The following SLC9B2 variants were observed in gnomAD, a reference collection of about 807,000 sequenced individuals.
The protein encoded by SLC9B2 is solute carrier family 9 member B2, also known as sodium/hydrogen exchanger 9B2.
A neutral mutation model predicts 52.2 loss-of-function variants in SLC9B2; 39 were observed. The ratio of observed to expected loss-of-function variants is 0.75; its 90% CI spans 0.58 to 0.98. SLC9B2 has a LOEUF of 0.98. Among genes scored for constraint, SLC9B2 ranks in the 50% least tolerant of loss-of-function variants. SLC9B2 has a pLI of 0.00. For missense variants in SLC9B2, 626 were observed against 637.5 expected, an observed-to-expected ratio of 0.98 and a Z score of 0.19; for synonymous variants, 214 against 227.0, an observed-to-expected ratio of 0.94 and a Z score of 0.51.
downstream of SLC9B2, chr4:103,019,546 G>A (rs973503517): frequency 1.2e-5 from 12 of 981,294 alleles, no homozygotes; most frequent in African/African-American, 1.9e-4. Flanking sequence ...CGGCAGACCC[G>A]GGACTAGCGC....
chr4:103,076,987 C>G (rs1747242891), upstream of SLC9B2: 1 of 152,326 alleles, frequency 6.6e-6, no homozygotes, highest in African/African-American at 2.4e-5. Context: ...ACTTGTTCTG[C>G]CCCCCTTTAT....
intron 3 of SLC9B2, among the ~76,000 whole-genome samples, chr4:103,065,077 G>T (rs1745992810): frequency 6.6e-6 from 1 of 151,892 alleles, no homozygotes; most frequent in African/African-American, 2.4e-5. Context: ...AAGGTTGGGT[G>T]GGGGAGGTGA....
intron 1 of SLC9B2, among the ~76,000 whole-genome samples, chr4:103,075,806 T>C (rs926942517): frequency 6.6e-6 from 1 of 152,306 alleles, no homozygotes; most frequent in Middle Eastern, 3.4e-3. Flanking sequence ...AACACGTGAA[T>C]GGACTTGACA....
chr4:103,019,986 TTG>T (rs1741674265), downstream of SLC9B2: 3 of 940,984 alleles, frequency 3.2e-6, no homozygotes, highest in Non-Finnish European at 3.8e-6. Flanking sequence ...AAAACTCAGA[TTG>T]TGTTTCCCCT....
At chr4:103,072,056 G>GTTTTTTTTTGTTTGTTTT (rs1746690083) in intron 1 of SLC9B2, among the ~76,000 whole-genome samples, 2 of 95,306 alleles carry the variant, frequency 2.1e-5, no homozygotes, top group Admixed American at 1.3e-4. Flanking sequence ...TGGCTTTCAT[G>GTTTTTTTTTGTTTGTTTT]TTTTTTTTTT....
chr4:103,035,443 T>C (rs1050434975), intron 9 of SLC9B2, among the ~76,000 whole-genome samples: 2 of 152,216 alleles, frequency 1.3e-5, no homozygotes, highest in African/African-American at 2.4e-5. Flanking sequence ...GCAATGAACA[T>C]ACTCATGAAT....
At chr4:103,051,118 G>A (rs997573076) in intron 4 of SLC9B2, among the ~76,000 whole-genome samples, 9 of 152,140 alleles carry the variant, frequency 5.9e-5, no homozygotes, top group Non-Finnish European at 1.2e-4. Context: ...ATGAAGAAAC[G>A]GCTAGGGGAG....
intron 9 of SLC9B2, among the ~76,000 whole-genome samples, chr4:103,036,934 T>G (rs1472632408): frequency 6.6e-6 from 1 of 152,214 alleles, no homozygotes; most frequent in Non-Finnish European, 1.5e-5. Context: ...CCTCAAATAA[T>G]GTCGTTTCTT....
chr4:103,031,742 C>T lies in SLC9B2; in HGVS notation c.1213G>A (p.Gly405Arg), dbSNP rs1742722319. ...AGAGATGCAATAGATACCTCTGCTC[C>T]AATTAGTCCAAAAAGAAGGGGCTGA... ...IFQPLLFGLI[G>R]AEVSIASLRP... The change falls in exon 10 of 12, where the codon GGA becomes AGA. Residue 405 changes from glycine to arginine, a missense_variant. By Grantham distance (125) the Gly-to-Arg change is moderately radical. Transcript: ENST00000394785. The T allele has an allele frequency of 3.7e-6, 6 of 1,612,788 alleles. No homozygotes were observed. The highest frequency in any genetic ancestry group is 4.2e-6 in the Non-Finnish European group (5 of 1,179,208).
At chr4:103,027,298 A>G (rs1402899319) in intron 11 of SLC9B2, among the ~76,000 whole-genome samples, 1 of 152,138 alleles carries the variant, frequency 6.6e-6, no homozygotes, top group Non-Finnish European at 1.5e-5. Flanking sequence ...AAGATGAAAA[A>G]CATGCAGTGA....
intron 1 of SLC9B2, among the ~76,000 whole-genome samples, chr4:103,072,523 C>G (rs1206498275): frequency 1.3e-5 from 2 of 152,194 alleles, no homozygotes; most frequent in Non-Finnish European, 2.9e-5. Flanking sequence ...AATATGTTTT[C>G]ACATAGAGAG....
Position 103,066,470 on chromosome 4 carries a change from T to G in SLC9B2, c.128A>C (p.Asn43Thr). ...AAGAATACTTCCTTCTGTTGGTTCA[T>G]TTGCATCTATACCTTTGAGCTTCAT... is the stretch of plus-strand genomic sequence containing the variant. ...TVMKLKGIDA[N>T]EPTEGSILLK... The change falls in exon 3 of 12, where the codon AAT becomes ACT. Residue 43 changes from asparagine (N) to threonine (T), a missense_variant. By Grantham distance (65) the Asn-to-Thr change is moderately conservative. Coordinates refer to ENST00000394785, the MANE Select transcript of SLC9B2 (RefSeq NM_178833.7). 6.2e-7 allele frequency: 1 copy of G among 1,614,080 alleles called. No individual in the cohort carries two copies. Among genetic ancestry groups the G allele is most frequent in the Non-Finnish European group, 8.5e-7 (1 of 1,179,926 alleles).
At chr4:103,019,165 G>C (rs975344697), downstream of SLC9B2, among the ~76,000 whole-genome samples, 1 of 152,144 alleles carries the variant, frequency 6.6e-6, no homozygotes, top group Non-Finnish European at 1.5e-5. Flanking sequence ...GTGGGTGGGT[G>C]GGGGAAGAGA....
downstream of SLC9B2, chr4:103,019,707 C>A (rs1231794004): frequency 1.0e-6 from 1 of 985,382 alleles, no homozygotes; most frequent in Non-Finnish European, 1.2e-6. Flanking sequence ...CGCGAAAGCC[C>A]GGATAGACTT....
chr4:103,050,278 T>A lies in SLC9B2; in HGVS notation c.547A>T (p.Ile183Phe). 1 of 1,606,228 alleles carries A rather than the reference T, an allele frequency of 6.2e-7. No homozygotes were observed. Among genetic ancestry groups the A allele is most frequent in the Non-Finnish European group, 8.5e-7 (1 of 1,177,030 alleles). ...CCAAGGCCAGCACGAACCAGAATGATAGACAGGGCTATGCTTCTCAAAGAG... is the reference window on the plus strand; with the variant it reads ...CCAAGGCCAGCACGAACCAGAATGAAAGACAGGGCTATGCTTCTCAAAGAG... ...SSSLRSIALSIILVRAGLGLD... is the reference protein window; with the variant it reads ...SSSLRSIALSFILVRAGLGLD... Residue 183 changes from isoleucine (I) to phenylalanine (F), a missense_variant, in exon 5 of 12, where the codon ATC becomes TTC. By Grantham distance (21) the Ile-to-Phe change is conservative. Coordinates refer to ENST00000394785, the MANE Select transcript of SLC9B2 (RefSeq NM_178833.7).
Position 103,039,027 on chromosome 4 carries a change from T to G in SLC9B2, c.1146+4269A>C, listed in dbSNP as rs551580319. Reference sequence around the variant, plus strand: ...CAATATTGCTACAGCCCTGTAGAATTTACAAGTGTGTCATTTTCATTTTCT... The same window carrying G: ...CAATATTGCTACAGCCCTGTAGAATGTACAAGTGTGTCATTTTCATTTTCT... On this transcript the variant is annotated intron_variant, in intron 9 of 11. Transcript: ENST00000394785. Among the ~76,000 whole-genome samples, 98 of 152,350 alleles carry G rather than the reference T, an allele frequency of 6.4e-4. No homozygotes were observed. In the South Asian group the frequency reaches 8.7e-3, roughly 14 times the overall value.
chr4:103,069,022 C>A (rs994256719), intron 1 of SLC9B2, among the ~76,000 whole-genome samples: 1 of 152,012 alleles, frequency 6.6e-6, no homozygotes, highest in Admixed American at 6.6e-5. Context: ...CTCAAAAAAA[C>A]CTTTAGTTTG....
At chr4:103,018,760 C>T (rs1372956062), downstream of SLC9B2, among the ~76,000 whole-genome samples, 1 of 152,106 alleles carries the variant, frequency 6.6e-6, no homozygotes, top group Non-Finnish European at 1.5e-5. Flanking sequence ...TTCCTTTTTC[C>T]TTCAAAAGCA....
At chr4:103,034,774 T>C (rs1222183855) in intron 9 of SLC9B2, among the ~76,000 whole-genome samples, 1 of 152,188 alleles carries the variant, frequency 6.6e-6, no homozygotes, top group African/African-American at 2.4e-5. Context: ...TCAGTCAGGA[T>C]GGCTATTATT....
Sources: gnomAD v4.1 joint callset for allele counts (sites outside exome capture counted in the v4.1 genomes callset) on GRCh38, gnomAD v4.1.1 for gene constraint, MANE v1.5 for transcripts, NCBI Gene and HGNC (gene_info 2026-07-23, HGNC 2026-07-21) for gene names.